TBC1D9: variants seen among roughly 807,000 people sequenced by gnomAD.
The protein encoded by TBC1D9 is TBC1 domain family member 9A.
A neutral mutation model predicts 132.0 loss-of-function variants in TBC1D9; 63 were observed. The ratio of observed to expected loss-of-function variants is 0.48; its 90% CI spans 0.39 to 0.59. The LOEUF (loss-of-function observed/expected upper bound fraction) is 0.59, where lower values mean the gene tolerates loss of function less well. Among genes scored for constraint, TBC1D9 ranks in the 20% least tolerant of loss-of-function variants. The probability of loss-of-function intolerance (pLI) is 0.00; values close to 1 mark genes in which losing one functional copy is unlikely to be tolerated. For missense variants in TBC1D9, 1,261 were observed against 1,592.7 expected (o/e 0.79, Z 3.54); for synonymous variants, 610 against 609.9 (o/e 1.00, Z 0.00).
In TBC1D9 at chr4:140,645,033, G is replaced by C; in HGVS notation, c.2338-5605C>G. 6.3e-6 allele frequency: 3 copies of C among 479,330 alleles called. 1 individual carries two copies. Among genetic ancestry groups the C allele is most frequent in the South Asian group, 3.2e-5 (2 of 61,688 alleles). 29.7% of individuals were successfully genotyped at this position (479,330 alleles called of 1,614,324 possible). On this transcript the variant is annotated intron_variant, in intron 13 of 20. Transcript: ENST00000442267. ...CAACCAGGGGTGCGTGGCCAGATGGGTTGCGGGGTCCACAGACCAGCAACC... is the reference window on the plus strand; with the variant it reads ...CAACCAGGGGTGCGTGGCCAGATGGCTTGCGGGGTCCACAGACCAGCAACC...
rs151244106 is a variant in TBC1D9 at position 140,742,442 on chromosome 4, T to A, written c.130+13474A>T. Among the ~76,000 whole-genome samples the A allele has an allele frequency of 4.2e-4, 61 of 145,190 alleles. No individual in the cohort carries two copies. The East Asian group carries it at 0.012, about 28-fold the overall frequency. The stretch of plus-strand genomic sequence containing the variant: ...AGTTACTCAGGAGGCTGAGGCAGGC[T>A]AATTGCTTGAACCTGGGAGGTGGAG... On this transcript the variant is annotated intron_variant, in intron 1 of 20. Coordinates refer to ENST00000442267, the MANE Select transcript of TBC1D9 (RefSeq NM_015130.3).
intron 2 of TBC1D9, among the ~76,000 whole-genome samples, chr4:140,699,376 A>T (rs1488680258): frequency 6.6e-6 from 1 of 152,240 alleles, no homozygotes; most frequent in Non-Finnish European, 1.5e-5. Flanking sequence ...GGGGAAGAAC[A>T]GAGTAACTTT....
At chr4:140,697,690 T>C (rs1040298707) in intron 2 of TBC1D9, among the ~76,000 whole-genome samples, 2 of 152,186 alleles carry the variant, frequency 1.3e-5, no homozygotes, top group African/African-American at 2.4e-5. Flanking sequence ...TTCTATCTCA[T>C]AGGAGTATTC....
At chr4:140,642,481 G>T (rs1737019026) in intron 13 of TBC1D9, 5 of 1,036,456 alleles carry the variant, frequency 4.8e-6, no homozygotes, top group African/African-American at 3.1e-5. Context: ...GCCAGTTTTT[G>T]ATTTCCCCCC....
At chr4:140,716,392 G>A (rs1738334848) in intron 1 of TBC1D9, among the ~76,000 whole-genome samples, 1 of 152,042 alleles carries the variant, frequency 6.6e-6, no homozygotes, top group Non-Finnish European at 1.5e-5. Context: ...TTGGGAGGCT[G>A]AGGTGAGAGA....
chr4:140,622,946 T>C, intron 20 of TBC1D9, 29 bp from the exon 21 acceptor site: 1 of 1,484,092 alleles, frequency 6.7e-7, no homozygotes. Context: ...AAACACAATG[T>C]GAAATCTTGG....
chr4:140,631,952 C>G (rs1466445903), intron 16 of TBC1D9, among the ~76,000 whole-genome samples: 1 of 152,148 alleles, frequency 6.6e-6, no homozygotes, highest in Non-Finnish European at 1.5e-5. Flanking sequence ...TTGACTTTCC[C>G]ATCTCCATAA....
chr4:140,687,877 G>A (rs759213611), intron 2 of TBC1D9, among the ~76,000 whole-genome samples: 24 of 152,096 alleles, frequency 1.6e-4, no homozygotes, highest in Non-Finnish European at 2.5e-4. Flanking sequence ...CTAGAGCCCA[G>A]GAGTTCAAGA....
intron 13 of TBC1D9, chr4:140,645,313 C>T: frequency 2.0e-6 from 1 of 503,934 alleles, no homozygotes; most frequent in South Asian, 1.5e-5. Flanking sequence ...GGTCTGCCAG[C>T]CCAGGCCCCA....
chr4:140,666,921 T>C (rs1737456221), intron 9 of TBC1D9, among the ~76,000 whole-genome samples: 1 of 152,214 alleles, frequency 6.6e-6, no homozygotes, highest in South Asian at 2.1e-4. Flanking sequence ...TGATGGTCAC[T>C]GAGAGAGCTG....
chr4:140,745,672 G>A (rs776140988), intron 1 of TBC1D9, among the ~76,000 whole-genome samples: 7 of 152,132 alleles, frequency 4.6e-5, no homozygotes, highest in Non-Finnish European at 8.8e-5. Flanking sequence ...AACTGTTAAT[G>A]TTATCAGTAA....
chr4:140,737,194 C>A (rs574242139), intron 1 of TBC1D9, among the ~76,000 whole-genome samples: 8 of 152,206 alleles, frequency 5.3e-5, no homozygotes, highest in Admixed American at 1.3e-4. Context: ...GTAATGCTTG[C>A]CTTCCTGAGT....
chr4:140,754,907 A>C (rs143040888), intron 1 of TBC1D9, among the ~76,000 whole-genome samples: 3 of 152,218 alleles, frequency 2.0e-5, no homozygotes, highest in Non-Finnish European at 4.4e-5. Flanking sequence ...GTAAATACAT[A>C]TATCAAGAAT....
Position 140,701,617 on chromosome 4 carries a change from G to A in TBC1D9, c.131-3C>T. The A allele has an allele frequency of 6.2e-7, 1 of 1,613,292 alleles. No individual in the cohort carries two copies. The highest frequency in any genetic ancestry group is 8.5e-7 in the Non-Finnish European group (1 of 1,179,300). ...ATCAAGGGTACCCACCAGCAGGCCT[G>A]AGGGTGGAAAGTGGGGAGAAACAGG... On this transcript the variant is annotated splice_region_variant and splice_polypyrimidine_tract_variant and intron_variant, in intron 1 of 20. Transcript: ENST00000442267.
chr4:140,711,536 C>T (rs41346147), intron 1 of TBC1D9, among the ~76,000 whole-genome samples: 6,709 of 152,166 alleles, frequency 0.044, 341 homozygotes, highest in African/African-American at 0.12. Context: ...TATCCTCTTA[C>T]GTAATTCAAC....
chr4:140,709,244 TCTCTCACACACA>T lies in TBC1D9; in HGVS notation c.131-7642_131-7631del, dbSNP rs1301813357. ...ATCTCTCTCTCTCTCTCTCTCTCTC[TCTCTCACACACA>T]CACACACACACACACACACACACAC... On this transcript the variant is annotated intron_variant, in intron 1 of 20. Transcript: ENST00000442267. 4.1e-3 allele frequency among the ~76,000 whole-genome samples: 445 copies of T among 107,304 alleles called. 2 individuals are homozygous for T. Among genetic ancestry groups the T allele is most frequent in the Non-Finnish European group, 6.6e-3 (345 of 52,072 alleles). The allele number at this position is 107,304 out of a possible 152,430, so 70.4% of individuals were successfully genotyped here.
intron 2 of TBC1D9, among the ~76,000 whole-genome samples, chr4:140,694,805 T>C (rs1208286581): frequency 6.6e-6 from 1 of 151,090 alleles, no homozygotes; most frequent in East Asian, 1.9e-4. Flanking sequence ...CTGAAAGTGA[T>C]GATTTGTGAT....
At chr4:140,678,413 C>T (rs889709316) in intron 5 of TBC1D9, among the ~76,000 whole-genome samples, 10 of 152,176 alleles carry the variant, frequency 6.6e-5, no homozygotes, top group Admixed American at 1.3e-4. Flanking sequence ...TTCCATCACC[C>T]TCTCTCTAGC....
At chr4:140,627,945 A>G (rs1736734114) in intron 17 of TBC1D9, among the ~76,000 whole-genome samples, 1 of 152,198 alleles carries the variant, frequency 6.6e-6, no homozygotes, top group East Asian at 1.9e-4. Context: ...CTTGTTTAAA[A>G]TTGAAAAAAC....
Sources: allele counts gnomAD v4.1 joint callset (sites outside exome capture counted in the v4.1 genomes callset), GRCh38; gene constraint gnomAD v4.1.1; transcripts MANE v1.5; gene names NCBI Gene and HGNC (gene_info 2026-07-23, HGNC 2026-07-21).